The following LTBP1 variants were observed in gnomAD, a reference collection of about 807,000 sequenced individuals.
LTBP1 encodes latent-transforming growth factor beta-binding protein 1.
Under a neutral mutation model 207.6 loss-of-function variants are expected in LTBP1, and 129 were observed. That is an observed-to-expected ratio of 0.62 (90% CI 0.54 to 0.72). The LOEUF (loss-of-function observed/expected upper bound fraction) is 0.72. Among genes scored for constraint, LTBP1 ranks in the 30% least tolerant of loss-of-function variants. LTBP1 has a pLI of 0.00. For synonymous variants in LTBP1, 963 were observed against 833.7 expected (o/e 1.16, Z -2.67); for missense variants, 2,281 against 2,217.2 (o/e 1.03, Z -0.58).
At chr2:33,278,639 G>A (rs1205979086) in intron 18 of LTBP1, among the ~76,000 whole-genome samples, 4 of 152,080 alleles carry the variant, frequency 2.6e-5, no homozygotes, top group Non-Finnish European at 5.9e-5. Flanking sequence ...ACATTATCTT[G>A]TATTGCTCAA....
Position 33,018,338 on chromosome 2 carries a change from C to G in LTBP1, c.566-2571C>G, listed in dbSNP as rs1470372148. On this transcript the variant is annotated intron_variant, in intron 2 of 33. Coordinates refer to ENST00000404816, the MANE Select transcript of LTBP1 (RefSeq NM_206943.4). ...CTCCCCCTAGGTGCCAGCTTTTGCA[C>G]CAAACAGCCTTCCTGGTAGAAAACA... Among the ~76,000 whole-genome samples the G allele has an allele frequency of 2.6e-5, 4 of 152,078 alleles. No individual in the cohort carries two copies. In the East Asian group the frequency reaches 5.8e-4, roughly 22 times the overall value.
chr2:33,346,262 A>AT (rs1365159659), intron 25 of LTBP1, among the ~76,000 whole-genome samples: 1 of 152,198 alleles, frequency 6.6e-6, no homozygotes, highest in Non-Finnish European at 1.5e-5. Flanking sequence ...AATTCTATTG[A>AT]TAATTATGGA....
chr2:33,396,468 C>T (rs1364197786), intron 32 of LTBP1, among the ~76,000 whole-genome samples: 5 of 152,096 alleles, frequency 3.3e-5, no homozygotes, highest in South Asian at 2.1e-4. Flanking sequence ...GCGATCTGCC[C>T]GCCTCAGCCT....
At chr2:33,363,901 A>G (rs2094954131) in intron 29 of LTBP1, among the ~76,000 whole-genome samples, 1 of 152,224 alleles carries the variant, frequency 6.6e-6, no homozygotes, top group African/African-American at 2.4e-5. Flanking sequence ...AGGCAGAAAA[A>G]CATAGCAAAA....
rs557261586 is a variant in LTBP1 at position 33,110,486 on chromosome 2, C to T, written c.864-96C>T. ...ATGAGCCTTGCTTGGAATTGATGCT[C>T]CTTTCTACATTTAACTCGTTGCTTA... is the stretch of plus-strand genomic sequence containing the variant. On this transcript the variant is annotated intron_variant, in intron 3 of 33. Transcript: ENST00000404816. 1.6e-4 allele frequency: 174 copies of T among 1,119,534 alleles called. No homozygotes were observed. In the African/African-American group the frequency reaches 2.6e-3, roughly 17 times the overall value. 69.4% of individuals were successfully genotyped at this position (1,119,534 alleles called of 1,614,324 possible).
At chr2:33,339,665 G>C (rs1267973127) in intron 24 of LTBP1, among the ~76,000 whole-genome samples, 15 of 150,306 alleles carry the variant, frequency 1.0e-4, no homozygotes, top group Admixed American at 9.9e-4. Flanking sequence ...TTTTTTTTGA[G>C]ACGGAGTTTC....
chr2:33,355,011 A>T (rs1489668736), intron 26 of LTBP1, among the ~76,000 whole-genome samples: 1 of 152,196 alleles, frequency 6.6e-6, no homozygotes, highest in African/African-American at 2.4e-5. Flanking sequence ...TGCATTAGAA[A>T]TGCATTTTGG....
chr2:33,315,242 A>G lies in LTBP1; in HGVS notation c.3703A>G (p.Ile1235Val), dbSNP rs149987728. Residue 1235 changes from isoleucine (I) to valine (V), a missense_variant, in exon 24 of 34, where the codon ATC (isoleucine) becomes GTC (valine). By Grantham distance (29) the Ile-to-Val change is conservative. Coordinates refer to ENST00000404816, the MANE Select transcript of LTBP1 (RefSeq NM_206943.4). ...FHCVCQQGFS[I>V]SADGRTCEDI... ...TTGTGTCTGCCAGCAGGGTTTCTCA[A>G]TCTCTGCAGATGGCCGTACGTGTGA... 1,502 of 1,613,510 alleles carry G rather than the reference A, an allele frequency of 9.3e-4. 11 individuals carry two copies. In the African/African-American group the frequency reaches 0.017, roughly 19 times the overall value.
At chr2:33,347,740 G>C (rs2094723443) in intron 26 of LTBP1, among the ~76,000 whole-genome samples, 1 of 152,214 alleles carries the variant, frequency 6.6e-6, no homozygotes, top group African/African-American at 2.4e-5. Flanking sequence ...CCAAACCAGA[G>C]ATGCCTCCAG....
At chr2:33,334,047 AGC>A (rs1274689251) in intron 24 of LTBP1, among the ~76,000 whole-genome samples, 3 of 152,172 alleles carry the variant, frequency 2.0e-5, no homozygotes, top group Non-Finnish European at 4.4e-5. Flanking sequence ...TACAACTGAG[AGC>A]TCTACTAAGA....
At chr2:33,385,767 C>A (rs77512884) in intron 31 of LTBP1, among the ~76,000 whole-genome samples, 1 of 152,012 alleles carries the variant, frequency 6.6e-6, no homozygotes, top group Non-Finnish European at 1.5e-5. Flanking sequence ...TTAGGACAGA[C>A]CTGTGCAGGC....
At chr2:33,251,578 T>C (rs1011209811) in intron 10 of LTBP1, among the ~76,000 whole-genome samples, 6 of 143,060 alleles carry the variant, frequency 4.2e-5, no homozygotes, top group African/African-American at 1.6e-4. Context: ...GGCAGGAGAA[T>C]GGCGTGAACC....
intron 24 of LTBP1, among the ~76,000 whole-genome samples, chr2:33,337,434 T>C (rs2094565740): frequency 6.6e-6 from 1 of 152,232 alleles, no homozygotes; most frequent in Non-Finnish European, 1.5e-5. Context: ...CTGACATTTA[T>C]GTAATTTTTT....
At chr2:32,960,398 G>GGAATGAAT (rs10532840) in intron 2 of LTBP1, among the ~76,000 whole-genome samples, 32 of 150,162 alleles carry the variant, frequency 2.1e-4, no homozygotes, top group African/African-American at 5.7e-4. Context: ...ACACCTTTAT[G>GGAATGAAT]GAATGAATGA....
intron 31 of LTBP1, among the ~76,000 whole-genome samples, chr2:33,378,478 C>A (rs577630972): frequency 1.3e-5 from 2 of 152,080 alleles, no homozygotes; most frequent in East Asian, 3.9e-4. Flanking sequence ...GCAATCCACC[C>A]GCCTCAGCCT....
intron 3 of LTBP1, among the ~76,000 whole-genome samples, chr2:33,109,567 A>G (rs916714385): frequency 6.6e-6 from 1 of 152,244 alleles, no homozygotes; most frequent in Non-Finnish European, 1.5e-5. Flanking sequence ...GTCACAGAAA[A>G]CAAGGGTTGG....
rs2075131135 is a variant in LTBP1 at position 33,020,850 on chromosome 2, A to G, written c.566-59A>G. Reference sequence around the variant, plus strand: ...TGATGCTACTGTTAACCCTTTGGAAAAATTAGGAAGTCTACAATGTTGTTC... The same window carrying G: ...TGATGCTACTGTTAACCCTTTGGAAGAATTAGGAAGTCTACAATGTTGTTC... On this transcript the variant is annotated intron_variant, in intron 2 of 33. Coordinates refer to ENST00000404816, the MANE Select transcript of LTBP1 (RefSeq NM_206943.4). 4 of 1,479,912 alleles carry G rather than the reference A, an allele frequency of 2.7e-6. No individual in the cohort carries two copies. In the South Asian group the frequency reaches 5.8e-5, roughly 21 times the overall value. 91.7% of individuals were successfully genotyped at this position (1,479,912 alleles called of 1,614,324 possible). A position where few individuals can be genotyped will look rare whatever the true frequency, so the allele number is the denominator to read the frequency against.
At chr2:32,983,844 G>A (rs935579883) in intron 2 of LTBP1, among the ~76,000 whole-genome samples, 2 of 152,202 alleles carry the variant, frequency 1.3e-5, no homozygotes, top group African/African-American at 4.8e-5. Flanking sequence ...AGATGGCCCA[G>A]TCTTGGGTGT....
intron 3 of LTBP1, among the ~76,000 whole-genome samples, chr2:33,069,863 C>G (rs115068480): frequency 6.6e-6 from 1 of 152,298 alleles, no homozygotes; most frequent in South Asian, 2.1e-4. Context: ...AGACGGTATT[C>G]CCCGAAGAGC....
Sources: allele counts gnomAD v4.1 joint callset (sites outside exome capture counted in the v4.1 genomes callset), GRCh38; gene constraint gnomAD v4.1.1; transcripts MANE v1.5; gene names NCBI Gene and HGNC (gene_info 2026-07-23, HGNC 2026-07-21).